ZNF746: variants seen among roughly 807,000 people sequenced by gnomAD.
The protein encoded by ZNF746 is zinc finger protein 746, also known as parkin-interacting substrate.
ZNF746 carries 13 observed loss-of-function variants against 41.0 expected under a neutral mutation model. The observed-to-expected ratio is 0.32, with a 90% confidence interval of 0.21 to 0.50. The LOEUF (loss-of-function observed/expected upper bound fraction) is 0.50, where lower values mean the gene tolerates loss of function less well. ZNF746 is among the 20% of genes least tolerant of loss of function. ZNF746 has a pLI of 0.98. For missense variants in ZNF746, 811 were observed against 922.9 expected, an observed-to-expected ratio of 0.88 and a Z score of 1.57; for synonymous variants, 424 against 396.2, an observed-to-expected ratio of 1.07 and a Z score of -0.83.
At chr7:149,493,677 A>G (rs1421883356) in intron 3 of ZNF746, among the ~76,000 whole-genome samples, 4 of 152,232 alleles carry the variant, frequency 2.6e-5, no homozygotes, top group Non-Finnish European at 4.4e-5. Flanking sequence ...AGTCAATTAC[A>G]TACTGGATCT....
At chr7:149,477,268 G>A (rs920389086) in intron 5 of ZNF746, among the ~76,000 whole-genome samples, 4 of 152,080 alleles carry the variant, frequency 2.6e-5, no homozygotes, top group East Asian at 1.9e-4. Flanking sequence ...GGCCCCTCTC[G>A]AATAGAGGCA....
intron 3 of ZNF746, among the ~76,000 whole-genome samples, chr7:149,493,710 G>C (rs759283274): frequency 5.3e-5 from 8 of 152,256 alleles, no homozygotes; most frequent in Non-Finnish European, 7.4e-5. Context: ...GGCCTTCCCC[G>C]CTCCAAGTCA....
intron 4 of ZNF746, among the ~76,000 whole-genome samples, chr7:149,486,912 C>T (rs760352923): frequency 6.6e-6 from 1 of 152,158 alleles, no homozygotes; most frequent in African/African-American, 2.4e-5. Flanking sequence ...ATGTATAATA[C>T]ACAGTAACAA....
chr7:149,477,812 T>A, intron 4 of ZNF746, 57 bp from the exon 5 acceptor site: 1 of 1,419,358 alleles, frequency 7.0e-7, no homozygotes, highest in Non-Finnish European at 9.5e-7. Flanking sequence ...CCCTGGGGCA[T>A]ACACGCATCC....
At chr7:149,477,081 G>C (rs1274746381) in intron 5 of ZNF746, 34 bp from the exon 6 acceptor site, 2 of 1,586,048 alleles carry the variant, frequency 1.3e-6, no homozygotes, top group Admixed American at 1.7e-5. Flanking sequence ...CGGTGGGTTA[G>C]GGGACGGACG....
At chr7:149,483,624 C>A (rs1328187315) in intron 4 of ZNF746, among the ~76,000 whole-genome samples, 29 of 149,668 alleles carry the variant, frequency 1.9e-4, no homozygotes, top group East Asian at 5.8e-4. Context: ...AAAAAAAAAA[C>A]AAAAACACAG....
Position 149,475,136 on chromosome 7 carries a change from T to C in ZNF746, c.1231A>G (p.Thr411Ala). Reference sequence around the variant, plus strand: ...GAGTAAGGAAGCCCCTCGGGCCCCGTCCTCGGGTTCAGGCCCACTGGCGGT... The same window carrying C: ...GAGTAAGGAAGCCCCTCGGGCCCCGCCCTCGGGTTCAGGCCCACTGGCGGT... ...CKPPVGLNPRTGPEGLPYSSP... is the reference protein window; with the variant it reads ...CKPPVGLNPRAGPEGLPYSSP... Residue 411 changes from threonine to alanine, a missense_variant, in exon 7 of 7, where the codon ACG becomes GCG. By Grantham distance (58) the Thr-to-Ala change is moderately conservative. Coordinates refer to ENST00000458143, the MANE Select transcript of ZNF746 (RefSeq NM_001394198.1). 1 of 1,612,398 alleles carries C rather than the reference T, an allele frequency of 6.2e-7. No individual in the cohort carries two copies. Among genetic ancestry groups the C allele is most frequent in the Non-Finnish European group, 8.5e-7 (1 of 1,179,752 alleles).
chr7:149,493,346 G>A (rs1190560548), intron 3 of ZNF746, among the ~76,000 whole-genome samples: 2 of 152,196 alleles, frequency 1.3e-5, no homozygotes, highest in African/African-American at 4.8e-5. Context: ...TTGTGCTGAC[G>A]AAACAACCTC....
Position 149,477,834 on chromosome 7 carries a change from T to TA in ZNF746, c.566-80dup, listed in dbSNP as rs1800363915. ...GCATACACGCATCCAGCCGGAGAGA[T>TA]AGACACAGGGGCCTTACAAGGGTCC... is the stretch of plus-strand genomic sequence containing the variant. On this transcript the variant is annotated intron_variant, in intron 4 of 6. Transcript: ENST00000458143. The TA allele has an allele frequency of 8.0e-6, 10 of 1,256,924 alleles. No individual in the cohort carries two copies. In the South Asian group the frequency reaches 1.5e-4, roughly 18 times the overall value. 77.9% of individuals were successfully genotyped at this position (1,256,924 alleles called of 1,614,324 possible). A position where few individuals can be genotyped will look rare whatever the true frequency, so the allele number is the denominator to read the frequency against.
chr7:149,477,455 G>A, intron 5 of ZNF746, 109 bp downstream of exon 5: 1 of 1,283,064 alleles, frequency 7.8e-7, no homozygotes, highest in Non-Finnish European at 1.1e-6. Context: ...AAAGTTGTCA[G>A]GCCGGAAGTG....
intron 4 of ZNF746, among the ~76,000 whole-genome samples, chr7:149,484,001 C>T (rs10261861): frequency 0.03 from 4,560 of 152,164 alleles, 241 homozygotes; most frequent in African/African-American, 0.1. Context: ...TTTCAACCTG[C>T]CAAAACTAAA....
chr7:149,493,129 C>T (rs1269170646), intron 3 of ZNF746, among the ~76,000 whole-genome samples, 157 bp from the exon 4 acceptor site: 1 of 152,170 alleles, frequency 6.6e-6, no homozygotes, highest in Non-Finnish European at 1.5e-5. Flanking sequence ...GGGCATCTGG[C>T]AAAGTCTGGA....
chr7:149,477,009 A>T lies in ZNF746; in HGVS notation c.796T>A (p.Ser266Thr), dbSNP rs1321294758. 6.2e-7 allele frequency: 1 copy of T among 1,613,430 alleles called. No individual in the cohort carries two copies. Among genetic ancestry groups the T allele is most frequent in the Non-Finnish European group, 8.5e-7 (1 of 1,179,876 alleles). The change falls in exon 6 of 7, where the codon TCC (serine) becomes ACC (threonine). Residue 266 changes from serine (S) to threonine (T), a missense_variant. By Grantham distance (58) the Ser-to-Thr change is moderately conservative (BLOSUM62 1). This residue lies in a region of ZNF746 where 495 missense variants were observed against 481.6 expected (regional missense o/e 1.03). Transcript: ENST00000458143. ...TGGGGAGGGAGATCCGTTTGCCAGG[A>T]GGTGGGCGGGATGGTGGTGGAAAAG... ...SNFSTTIPPT[S>T]WQTDLPPHHP...
In ZNF746 at chr7:149,494,837, C is replaced by T. The variant is rs945457677; in HGVS notation, c.25-334G>A. Among the ~76,000 whole-genome samples the T allele has an allele frequency of 6.6e-6, 1 of 152,038 alleles. No homozygotes were observed. The highest frequency in any genetic ancestry group is 1.5e-5 in the Non-Finnish European group (1 of 68,004). Reference sequence around the variant, plus strand: ...TCTTTTCATACCACTGTCCTTGACACATGGCAGGTACCCAGTGCAATTTTG... The same window carrying T: ...TCTTTTCATACCACTGTCCTTGACATATGGCAGGTACCCAGTGCAATTTTG... On this transcript the variant is annotated intron_variant, in intron 1 of 6. Coordinates refer to ENST00000458143, the MANE Select transcript of ZNF746 (RefSeq NM_001394198.1). This position sits in a 1 kb window ranked among gnomAD's most constrained non-coding sequence, Gnocchi z 5.6.
In ZNF746 at chr7:149,474,848, C is replaced by T. The variant is rs1371924517; in HGVS notation, c.1519G>A (p.Gly507Ser). 7.0e-7 allele frequency: 1 copy of T among 1,427,866 alleles called. No individual in the cohort carries two copies. Among genetic ancestry groups the T allele is most frequent in the Admixed American group, 3.0e-5 (1 of 32,976 alleles). The allele number at this position is 1,427,866 out of a possible 1,614,324, so 88.4% of individuals were successfully genotyped here. Residue 507 changes from glycine to serine, a missense_variant, in exon 7 of 7, where the codon GGC becomes AGC. Gly to Ser is a moderately conservative substitution (Grantham distance 56). Around this residue, in one of 4 missense-constraint regions of ZNF746, gnomAD observed 495 missense variants for 481.6 expected, o/e 1.03. Transcript: ENST00000458143. This position sits in a 1 kb window ranked among gnomAD's most constrained non-coding sequence, Gnocchi z 6.3. The stretch of plus-strand genomic sequence containing the variant: ...CTGCCGCCACCGCCGCCGCCACTGC[C>T]GCTGCCGCCACCGCCTGTGCCCGGG... ...SGPGTGGGGS[G>S]SGGGGGGSGG...
At position 149,474,298 on chromosome 7, in the gene ZNF746, C is replaced by G; in HGVS notation, c.*86G>C. 5 of 1,479,890 alleles carry G rather than the reference C, an allele frequency of 3.4e-6. No individual in the cohort carries two copies. Among genetic ancestry groups the G allele is most frequent in the Non-Finnish European group, 3.7e-6 (4 of 1,092,070 alleles). The allele number at this position is 1,479,890 out of a possible 1,614,324, so 91.7% of individuals were successfully genotyped here. ...ACATTTGGTTCTCCCCGTCCCGCGT[C>G]TGCCTGAAGCTTCCACGCCGCCCTG... On this transcript the variant is annotated 3_prime_UTR_variant, in exon 7 of 7. Transcript: ENST00000458143. The surrounding 1 kb of genome is among the most constrained non-coding windows in gnomAD (Gnocchi z 6.3).
chr7:149,496,422 G>GT (rs1491313887), intron 1 of ZNF746, among the ~76,000 whole-genome samples: 1 of 152,162 alleles, frequency 6.6e-6, no homozygotes, highest in African/African-American at 2.4e-5. Context: ...GGAGCTGATG[G>GT]TAAGAGGAGC....
chr7:149,484,676 C>A lies in ZNF746; in HGVS notation c.566-6921G>T, dbSNP rs561153371. 2.2e-4 allele frequency among the ~76,000 whole-genome samples: 11 copies of A among 49,122 alleles called. No individual in the cohort carries two copies. In the South Asian group the frequency reaches 6.9e-3, roughly 31 times the overall value. 32.2% of individuals were successfully genotyped at this position (49,122 alleles called of 152,430 possible). On this transcript the variant is annotated intron_variant, in intron 4 of 6. Coordinates refer to ENST00000458143, the MANE Select transcript of ZNF746 (RefSeq NM_001394198.1). ...ATTTTCTGGGAGTTCTCAGTCAACA[C>A]AATAAAACAAGAAAAAAAACCCATA...
At chr7:149,492,810 G>T in intron 4 of ZNF746, 49 bp downstream of exon 4, 1 of 1,362,026 alleles carries the variant, frequency 7.3e-7, no homozygotes. Flanking sequence ...TTCCGTCTCT[G>T]TTTCCTGCAC....
Sources: gnomAD v4.1 joint callset for allele counts (sites outside exome capture counted in the v4.1 genomes callset) on GRCh38, gnomAD v4.1.1 for gene constraint, gnomAD v4.1.1 regional missense constraint, Gnocchi (gnomAD v3.1) non-coding constraint, MANE v1.5 for transcripts, NCBI Gene and HGNC (gene_info 2026-07-23, HGNC 2026-07-21) for gene names.